The following LY6S variants were observed in gnomAD, a reference collection of about 807,000 sequenced individuals.
The protein encoded by LY6S is lymphocyte antigen 6S.
chr8:143,075,054 C>T, the LY6S span, among the ~76,000 whole-genome samples: 3 of 152,216 alleles, frequency 2.0e-5, no homozygotes, highest in Non-Finnish European at 2.9e-5. The surrounding 1 kb of genome is among the most constrained non-coding windows in gnomAD (Gnocchi z 4.1). Context: ...ACGTGAAAAT[C>T]TTGTCTTTTT....
chr8:143,043,211 A>G, the LY6S span: 1 of 1,367,626 alleles, frequency 7.3e-7, no homozygotes, highest in Admixed American at 1.9e-5. Context: ...GGACCACCGC[A>G]TTGCAGAGGT....
chr8:143,044,101 A>G, the LY6S span: 1 of 455,876 alleles, frequency 2.2e-6, no homozygotes, highest in Non-Finnish European at 4.4e-6. Context: ...GCCCCTCCCC[A>G]GTCCTCCCAT....
chr8:143,063,648 C>T, the LY6S span, among the ~76,000 whole-genome samples: 43 of 152,196 alleles, frequency 2.8e-4, no homozygotes, highest in Non-Finnish European at 4.6e-4. Context: ...CTGGAAAACA[C>T]CTGGTCAATA....
the LY6S span, among the ~76,000 whole-genome samples, chr8:143,051,987 AAG>A: frequency 1.3e-5 from 2 of 148,368 alleles, no homozygotes; most frequent in Non-Finnish European, 1.5e-5. Context: ...AAAAAAAGAA[AAG>A]AAAAGAAAAA....
At chr8:143,065,767 T>TTTTCTCTCTCTTTC in the LY6S span, 2 of 90,742 alleles carry the variant, frequency 2.2e-5, no homozygotes, top group Admixed American at 1.2e-4. Context: ...TCTTTCTTTC[T>TTTTCTCTCTCTTTC]TTTCTCTTTC....
the LY6S span, chr8:143,054,056 C>T: frequency 6.6e-6 from 1 of 152,196 alleles, no homozygotes; most frequent in African/African-American, 2.4e-5. Flanking sequence ...CCTGTAATCC[C>T]AGAACTTTGG....
At chr8:143,057,764 T>C in the LY6S span, 7 of 785,382 alleles carry the variant, frequency 8.9e-6, no homozygotes, top group East Asian at 9.7e-5. Context: ...ATCAGCTCTA[T>C]CTAGGGCTTC....
At chr8:143,070,480 TATATA>T in the LY6S span, among the ~76,000 whole-genome samples, 2 of 103,986 alleles carry the variant, frequency 1.9e-5, no homozygotes, top group East Asian at 2.9e-4. Context: ...TATATAAATA[TATATA>T]TATATTTTTT....
the LY6S span, among the ~76,000 whole-genome samples, chr8:143,068,130 G>A: frequency 6.6e-6 from 1 of 152,234 alleles, no homozygotes. Context: ...TCAATACGCA[G>A]GCTTTCTTGG....
chr8:143,059,220 A>G, the LY6S span, among the ~76,000 whole-genome samples: 6 of 152,130 alleles, frequency 3.9e-5, no homozygotes. Flanking sequence ...AGAAATTCTC[A>G]ATGTTAATGA....
the LY6S span, chr8:143,065,969 CG>C: frequency 3.1e-6 from 1 of 327,140 alleles, no homozygotes; most frequent in South Asian, 2.9e-5. Context: ...TAAATCGAGG[CG>C]GGGGTGTTCG....
the LY6S span, among the ~76,000 whole-genome samples, chr8:143,070,482 TATATATA>T: frequency 9.6e-6 from 1 of 104,294 alleles, no homozygotes; most frequent in African/African-American, 5.3e-5. Context: ...TATAAATATA[TATATATA>T]TTTTTTTTTT....
At chr8:143,052,193 A>G in the LY6S span, among the ~76,000 whole-genome samples, 2 of 151,520 alleles carry the variant, frequency 1.3e-5, no homozygotes, top group African/African-American at 4.9e-5. Flanking sequence ...AGGCAGGAGA[A>G]TGGCGTGAAC....
At chr8:143,044,635 C>A in the LY6S span, 1 of 1,346,198 alleles carries the variant, frequency 7.4e-7, no homozygotes, top group Non-Finnish European at 9.9e-7. Context: ...TAAGAAGTGC[C>A]CCTCCCTCCC....
the LY6S span, among the ~76,000 whole-genome samples, chr8:143,073,302 C>T: frequency 9.5e-3 from 706 of 74,086 alleles, 51 homozygotes; most frequent in Middle Eastern, 0.019. Flanking sequence ...GTCCCCGGGG[C>T]TCCTGTTCGA....
At chr8:143,070,518 G>A in the LY6S span, among the ~76,000 whole-genome samples, 8 of 114,984 alleles carry the variant, frequency 7.0e-5, no homozygotes, top group East Asian at 2.7e-4. Flanking sequence ...ATGGATTCTC[G>A]CCCTGTCGCC....
the LY6S span, chr8:143,049,100 C>T: frequency 1.9e-6 from 1 of 520,310 alleles, no homozygotes; most frequent in Non-Finnish European, 4.0e-6. Context: ...CTCCTAGCGC[C>T]CTGATTTCAT....
the LY6S span, among the ~76,000 whole-genome samples, chr8:143,063,678 T>C: frequency 6.6e-6 from 1 of 152,172 alleles, no homozygotes; most frequent in Non-Finnish European, 1.5e-5. Context: ...TGATTGTGCA[T>C]AGGTTCTTTA....
At chr8:143,069,088 C>G in the LY6S span, among the ~76,000 whole-genome samples, 1 of 152,162 alleles carries the variant, frequency 6.6e-6, no homozygotes, top group Non-Finnish European at 1.5e-5. Flanking sequence ...AGCGAGCTGG[C>G]CCCGCTCCCA....
Sources: allele counts gnomAD v4.1 joint callset (sites outside exome capture counted in the v4.1 genomes callset), GRCh38; gene constraint gnomAD v4.1.1; non-coding constraint Gnocchi (gnomAD v3.1); transcripts MANE v1.5; gene names NCBI Gene and HGNC (gene_info 2026-07-23, HGNC 2026-07-21).